The following GNPNAT1 variants were observed in gnomAD, a reference collection of about 807,000 sequenced individuals.
GNPNAT1 encodes the protein glucosamine-phosphate N-acetyltransferase 1.
GNPNAT1 carries 11 observed loss-of-function variants against 19.8 expected under a neutral mutation model. The ratio of observed to expected loss-of-function variants is 0.56; its 90% CI spans 0.35 to 0.92. The LOEUF is 0.92. Among genes scored for constraint, GNPNAT1 ranks in the 40% least tolerant of loss-of-function variants. The probability of loss-of-function intolerance (pLI) is 0.01; values close to 1 mark genes in which losing one functional copy is unlikely to be tolerated. For synonymous variants in GNPNAT1, 71 were observed against 72.3 expected, an observed-to-expected ratio of 0.98 and a Z score of 0.09; for missense variants, 157 against 211.0, an observed-to-expected ratio of 0.74 and a Z score of 1.59.
chr14:52,783,353 C>T (rs879040653), intron 3 of GNPNAT1, 70 bp downstream of exon 3: 2 of 985,560 alleles, frequency 2.0e-6, no homozygotes, highest in South Asian at 3.0e-5. Flanking sequence ...GAAGTGGGCA[C>T]TGAACAGCTC....
chr14:52,787,853 A>C (rs1883059164), intron 1 of GNPNAT1: 1 of 152,008 alleles, frequency 6.6e-6, no homozygotes, highest in African/African-American at 2.4e-5. Context: ...TGAATCAGGC[A>C]CTGTGCTGGT....
intron 4 of GNPNAT1, 67 bp downstream of exon 4, chr14:52,781,717 C>G: frequency 6.9e-7 from 1 of 1,442,244 alleles, no homozygotes; most frequent in Non-Finnish European, 9.4e-7. Flanking sequence ...ACAGATTTGT[C>G]TAATGGAAAC....
intron 5 of GNPNAT1, among the ~76,000 whole-genome samples, chr14:52,779,514 G>C (rs532865420): frequency 1.3e-5 from 2 of 151,950 alleles, no homozygotes; most frequent in South Asian, 4.1e-4. Flanking sequence ...GATCACTTGA[G>C]TCCAGAAGTT....
In GNPNAT1 at chr14:52,777,997, T is replaced by A. The variant is rs1882779238; in HGVS notation, c.*314A>T. On this transcript the variant is annotated 3_prime_UTR_variant, in exon 6 of 6. Transcript: ENST00000216410. ...CAGATAGCAGACATATAACTCCTTA[T>A]TACCCATACTCTTGACTACCAAGAA... 1 of 178,116 alleles carries A rather than the reference T, an allele frequency of 5.6e-6. No individual in the cohort carries two copies. The highest frequency in any genetic ancestry group is 6.2e-5 in the Admixed American group (1 of 16,054). The allele number at this position is 178,116 out of a possible 1,614,324, so 11.0% of individuals were successfully genotyped here.
Position 52,775,311 on chromosome 14 carries a change from A to G in GNPNAT1, c.*3000T>C, listed in dbSNP as rs1218533976. The G allele has an allele frequency of 6.7e-6, 1 of 149,146 alleles. No individual in the cohort carries two copies. The highest frequency in any genetic ancestry group is 1.5e-5 in the Non-Finnish European group (1 of 67,096). 9.2% of individuals were successfully genotyped at this position (149,146 alleles called of 1,614,324 possible). A position where few individuals can be genotyped will look rare whatever the true frequency, so the allele number is the denominator to read the frequency against. On this transcript the variant is annotated 3_prime_UTR_variant, in exon 6 of 6. Transcript: ENST00000216410. ...CCACAGAACAGCTTTCAGTCATTAC[A>G]AAAAAAAAATACTTCTTGCTTTTAT...
chr14:52,789,119 G>A (rs1883090982), intron 1 of GNPNAT1, among the ~76,000 whole-genome samples: 1 of 152,168 alleles, frequency 6.6e-6, no homozygotes. Flanking sequence ...TTCAAAATGA[G>A]GCAACAGGGC....
At chr14:52,782,894 A>C (rs1167649332) in intron 3 of GNPNAT1, among the ~76,000 whole-genome samples, 1 of 152,050 alleles carries the variant, frequency 6.6e-6, no homozygotes, top group Non-Finnish European at 1.5e-5. Context: ...CACTGGACAG[A>C]ATTAAGGTTT....
chr14:52,779,675 C>G (rs1034748311), intron 5 of GNPNAT1, among the ~76,000 whole-genome samples: 1 of 123,568 alleles, frequency 8.1e-6, no homozygotes, highest in Non-Finnish European at 1.6e-5. Flanking sequence ...GAGCTGTGAT[C>G]GTACCACTGT....
intron 1 of GNPNAT1, among the ~76,000 whole-genome samples, chr14:52,785,230 T>C (rs1442044948): frequency 6.6e-6 from 1 of 151,842 alleles, no homozygotes; most frequent in Non-Finnish European, 1.5e-5. Flanking sequence ...GCCCGGCTAT[T>C]ATCAGGTCTT....
rs540144040 is a variant in GNPNAT1, at chr14:52,778,370, T to C, written c.496A>G (p.Lys166Glu). ...ECLPQNVGFY[K>E]KFGYTVSEEN... Reference sequence around the variant, plus strand: ...TCAGATACAGTATATCCAAACTTTTTATAGAAACCAACATTTTGTGGTAGA... The same window carrying C: ...TCAGATACAGTATATCCAAACTTTTCATAGAAACCAACATTTTGTGGTAGA... The change falls in exon 6 of 6, where the codon AAA (lysine) becomes GAA (glutamate). Residue 166 changes from lysine to glutamate, a missense_variant. Coordinates refer to ENST00000216410, the MANE Select transcript of GNPNAT1 (RefSeq NM_198066.4). 4.1e-4 allele frequency: 662 copies of C among 1,606,940 alleles called. 2 individuals carry two copies. In the South Asian group the frequency reaches 6.9e-3, roughly 17 times the overall value.
Position 52,777,119 on chromosome 14 carries a change from T to C in GNPNAT1, c.*1192A>G, listed in dbSNP as rs1006022802. 1.3e-5 allele frequency: 2 copies of C among 152,278 alleles called. No individual in the cohort carries two copies. Among genetic ancestry groups the C allele is most frequent in the African/African-American group, 4.8e-5 (2 of 41,438 alleles). The allele number at this position is 152,278 out of a possible 1,614,324, so 9.4% of individuals were successfully genotyped here. On this transcript the variant is annotated 3_prime_UTR_variant, in exon 6 of 6. Coordinates refer to ENST00000216410, the MANE Select transcript of GNPNAT1 (RefSeq NM_198066.4). ...ATCCAGATGACGTGGTGTGAGTCAA[T>C]GGGATGAGAAACACTGGTATTTTCT...
chr14:52,779,815 C>T (rs1022444458), intron 5 of GNPNAT1, among the ~76,000 whole-genome samples: 2 of 147,918 alleles, frequency 1.4e-5, no homozygotes, highest in Admixed American at 1.4e-4. Context: ...ATTCCAAATA[C>T]CTAGAATAGC....
In GNPNAT1 at chr14:52,784,665, C is replaced by A; in HGVS notation, c.-14-1G>T. On this transcript the variant is annotated splice_acceptor_variant, in intron 1 of 5. Transcript: ENST00000216410. LOFTEE classifies it low-confidence loss of function (5UTR_SPLICE). ...TCAGGTTTCATTTTTCTAGTAAGGT[C>A]TAAAATAAAAATTTGAATATTAAGT... is the stretch of plus-strand genomic sequence containing the variant. The A allele has an allele frequency of 1.4e-6, 2 of 1,395,548 alleles. No individual in the cohort carries two copies. Among genetic ancestry groups the A allele is most frequent in the African/African-American group, 1.5e-5 (1 of 67,508 alleles). The allele number at this position is 1,395,548 out of a possible 1,614,324, so 86.4% of individuals were successfully genotyped here. A position where few individuals can be genotyped will look rare whatever the true frequency, so the allele number is the denominator to read the frequency against.
chr14:52,779,677 T>C (rs1419150425), intron 5 of GNPNAT1, among the ~76,000 whole-genome samples: 1 of 119,996 alleles, frequency 8.3e-6, no homozygotes, highest in Non-Finnish European at 1.6e-5. Context: ...GCTGTGATCG[T>C]ACCACTGTAT....
rs1283615150 is a variant in GNPNAT1, at chr14:52,791,607, T to C, written c.-194A>G. 6.6e-6 allele frequency: 1 copy of C among 152,158 alleles called. No homozygotes were observed. The allele number at this position is 152,158 out of a possible 1,614,324, so 9.4% of individuals were successfully genotyped here. ...AGCGCCAACGCCTCCACCTCGCCTC[T>C]GCCCCCTCACGCAGGGCCGCGCGCA... On this transcript the variant is annotated 5_prime_UTR_variant, in exon 1 of 6. Transcript: ENST00000216410. The surrounding 1 kb of genome is among the most constrained non-coding windows in gnomAD (Gnocchi z 4.1).
Position 52,775,874 on chromosome 14 carries a change from C to G in GNPNAT1, c.*2437G>C, listed in dbSNP as rs930508953. On this transcript the variant is annotated 3_prime_UTR_variant, in exon 6 of 6. Coordinates refer to ENST00000216410, the MANE Select transcript of GNPNAT1 (RefSeq NM_198066.4). ...CTCCAGCCTGGGTGATGGAGTGGGA[C>G]AGTGTCTCTTTAAAAAATGTGGGCC... The G allele has an allele frequency of 1.3e-5, 2 of 152,174 alleles. No homozygotes were observed. Among genetic ancestry groups the G allele is most frequent in the African/African-American group, 2.4e-5 (1 of 41,360 alleles). The allele number at this position is 152,174 out of a possible 1,614,324, so 9.4% of individuals were successfully genotyped here.
At position 52,776,736 on chromosome 14, in the gene GNPNAT1, T is replaced by C. The variant is rs1332195594; in HGVS notation, c.*1575A>G. ...ACGTCTGGCTAATTTTTCTTTTTTT[T>C]AGTAGAGACAGGGTTTCACCATTTT... On this transcript the variant is annotated 3_prime_UTR_variant, in exon 6 of 6. Coordinates refer to ENST00000216410, the MANE Select transcript of GNPNAT1 (RefSeq NM_198066.4). 2 of 152,178 alleles carry C rather than the reference T, an allele frequency of 1.3e-5. No homozygotes were observed. Among genetic ancestry groups the C allele is most frequent in the Non-Finnish European group, 2.9e-5 (2 of 68,054 alleles). 9.4% of individuals were successfully genotyped at this position (152,178 alleles called of 1,614,324 possible). A position where few individuals can be genotyped will look rare whatever the true frequency, so the allele number is the denominator to read the frequency against.
chr14:52,784,926 C>CT (rs571852245), intron 1 of GNPNAT1, among the ~76,000 whole-genome samples: 9,710 of 119,694 alleles, frequency 0.081, 531 homozygotes, highest in Middle Eastern at 0.11. Context: ...ATTATCAAGT[C>CT]TTTTTTTTTT....
At chr14:52,784,326 G>A (rs1882961049) in intron 2 of GNPNAT1, among the ~76,000 whole-genome samples, 171 bp downstream of exon 2, 1 of 151,976 alleles carries the variant, frequency 6.6e-6, no homozygotes, top group African/African-American at 2.4e-5. Context: ...GTAATATTTG[G>A]TCTTAGCCAT....
Sources: gnomAD v4.1 joint callset for allele counts (sites outside exome capture counted in the v4.1 genomes callset) on GRCh38, gnomAD v4.1.1 for gene constraint, Gnocchi (gnomAD v3.1) non-coding constraint, MANE v1.5 for transcripts, NCBI Gene and HGNC (gene_info 2026-07-23, HGNC 2026-07-21) for gene names.